KANSL1: variants seen among roughly 807,000 people sequenced by gnomAD.
KANSL1 encodes the protein MLL1/MLL complex subunit KANSL1.
A neutral mutation model predicts 103.6 loss-of-function variants in KANSL1; 22 were observed. The observed-to-expected ratio is 0.21, with a 90% CI of 0.15 to 0.30. KANSL1 has a LOEUF of 0.30. Ranked by LOEUF, KANSL1 falls within the 10% of genes least tolerant of loss-of-function variation. KANSL1 has a pLI of 1.00. For missense variants in KANSL1, 1,337 were observed against 1,399.8 expected (o/e 0.96, Z 0.72); for synonymous variants, 600 against 527.6 (o/e 1.14, Z -1.88).
At chr17:46,099,502 TAC>T (rs1299639120) in intron 2 of KANSL1, among the ~76,000 whole-genome samples, 2 of 152,214 alleles carry the variant, frequency 1.3e-5, no homozygotes, top group Non-Finnish European at 2.9e-5. Context: ...TGTTATACCA[TAC>T]AGACTTCAGG....
chr17:46,126,350 G>A (rs933692036), intron 2 of KANSL1, among the ~76,000 whole-genome samples: 1 of 152,112 alleles, frequency 6.6e-6, no homozygotes, highest in Non-Finnish European at 1.5e-5. Context: ...GCTGAGACAG[G>A]AGAATCACTC....
intron 1 of KANSL1, among the ~76,000 whole-genome samples, chr17:46,191,578 T>C (rs1240996536): frequency 1.3e-5 from 2 of 152,236 alleles, no homozygotes; most frequent in South Asian, 2.1e-4. Flanking sequence ...TGAAGTTCAG[T>C]AGCAATCTAT....
At chr17:46,089,492 A>C (rs763456030) in intron 3 of KANSL1, among the ~76,000 whole-genome samples, 1 of 151,522 alleles carries the variant, frequency 6.6e-6, no homozygotes, top group Non-Finnish European at 1.5e-5. Context: ...CCATCCCTCC[A>C]ATCTCCCACC....
intron 1 of KANSL1, among the ~76,000 whole-genome samples, chr17:46,180,168 C>T (rs1433412925): frequency 1.3e-5 from 2 of 152,106 alleles, no homozygotes; most frequent in African/African-American, 2.4e-5. Flanking sequence ...AGATCCTTAA[C>T]GGACAGCCTT....
chr17:46,190,355 A>G (rs2074713885), intron 1 of KANSL1, among the ~76,000 whole-genome samples: 1 of 152,282 alleles, frequency 6.6e-6, no homozygotes, highest in South Asian at 2.1e-4. Flanking sequence ...AACCAGAGAA[A>G]TAACATGTGT....
upstream of KANSL1, chr17:46,193,659 C>A: frequency 3.2e-6 from 1 of 313,930 alleles, no homozygotes. Context: ...GGCCGCGGCG[C>A]CCGGCCCCAG....
intron 11 of KANSL1, 57 bp from the exon 12 acceptor site, chr17:46,033,517 G>A: frequency 7.0e-7 from 1 of 1,422,518 alleles, no homozygotes; most frequent in East Asian, 2.3e-5. Flanking sequence ...ACTGGGGGCA[G>A]GGTCAAAGTG....
intron 1 of KANSL1, among the ~76,000 whole-genome samples, chr17:46,191,135 A>C (rs1025375121): frequency 1.3e-5 from 2 of 152,384 alleles, no homozygotes; most frequent in African/African-American, 4.8e-5. Flanking sequence ...ATTTTATAAA[A>C]TAGGAGTTTA....
intron 2 of KANSL1, among the ~76,000 whole-genome samples, chr17:46,146,064 T>C (rs1357132148): frequency 1.3e-5 from 2 of 152,216 alleles, no homozygotes; most frequent in Non-Finnish European, 1.5e-5. Context: ...TACTCATTCT[T>C]TTGTTCTCTA....
Position 46,032,211 on chromosome 17 carries a change from T to C in KANSL1, c.2926A>G (p.Ser976Gly). 6.2e-7 allele frequency: 1 copy of C among 1,600,320 alleles called. No individual in the cohort carries two copies. Among genetic ancestry groups the C allele is most frequent in the Non-Finnish European group, 8.5e-7 (1 of 1,171,152 alleles). ...GAGTATTCTGACAAAGAGTGGCTAC[T>C]GCTGACATCAGGGGAGGCAGGCTGG... is the stretch of plus-strand genomic sequence containing the variant. ...TPQPASPDVS[S>G]SHSLSEYSHG... The change falls in exon 14 of 15, where the codon AGT (serine) becomes GGT (glycine). Residue 976 changes from serine to glycine, a missense_variant. By Grantham distance (56) the Ser-to-Gly change is moderately conservative. Coordinates refer to ENST00000432791, the MANE Select transcript of KANSL1 (RefSeq NM_015443.4).
chr17:46,110,766 G>A (rs567941916), intron 2 of KANSL1, among the ~76,000 whole-genome samples: 10 of 152,264 alleles, frequency 6.6e-5, no homozygotes, highest in African/African-American at 2.4e-4. Flanking sequence ...ACAAGTATTT[G>A]TGCTGAGTTC....
chr17:46,097,247 T>C (rs1406448004), intron 2 of KANSL1, among the ~76,000 whole-genome samples: 1 of 152,188 alleles, frequency 6.6e-6, no homozygotes, highest in Non-Finnish European at 1.5e-5. Context: ...GAACACAATG[T>C]TGAATGAAAC....
chr17:46,156,899 CAAAAAAAA>C (rs200919070), intron 2 of KANSL1: 1 of 110,814 alleles, frequency 9.0e-6, no homozygotes, highest in East Asian at 2.9e-4. Context: ...ACTCTATCTC[CAAAAAAAA>C]AAAAAAAAAT....
chr17:46,099,062 G>A lies in KANSL1; in HGVS notation c.1290-4361C>T, dbSNP rs565667089. On this transcript the variant is annotated intron_variant, in intron 2 of 14. Coordinates refer to ENST00000432791, the MANE Select transcript of KANSL1 (RefSeq NM_015443.4). ...CAAGCGGCCGGGCGCGGTGGCTCAC[G>A]CTTGTAATCCCAGCACTTTGGGAGG... Among the ~76,000 whole-genome samples, 9 of 147,494 alleles carry A rather than the reference G, an allele frequency of 6.1e-5. No homozygotes were observed. In the South Asian group the frequency reaches 1.5e-3, roughly 24 times the overall value.
At chr17:46,148,717 G>A (rs1250116103) in intron 2 of KANSL1, among the ~76,000 whole-genome samples, 6 of 151,690 alleles carry the variant, frequency 4.0e-5, no homozygotes, top group African/African-American at 1.2e-4. Context: ...CTCCTGAACA[G>A]CTGGGTACAA....
In KANSL1 at chr17:46,092,030, G is replaced by A. The variant is rs147491921; in HGVS notation, c.1431+2530C>T. The stretch of plus-strand genomic sequence containing the variant: ...GACAGGGGTTTCACCATGTTGGCCA[G>A]GCTAGTCTCGAACTCCTCACCTCAG... On this transcript the variant is annotated intron_variant, in intron 3 of 14. Transcript: ENST00000432791. 2.7e-3 allele frequency among the ~76,000 whole-genome samples: 406 copies of A among 152,248 alleles called. 2 individuals are homozygous for A. The highest frequency in any genetic ancestry group is 9.3e-3 in the African/African-American group (386 of 41,528).
At chr17:46,185,273 G>A (rs1369749845) in intron 1 of KANSL1, among the ~76,000 whole-genome samples, 3 of 152,186 alleles carry the variant, frequency 2.0e-5, no homozygotes, top group Admixed American at 6.5e-5. Context: ...GATCCATTAG[G>A]ACGTTAATGG....
At chr17:46,212,960 G>A (rs1706411140) in intron 1 of KANSL1, among the ~76,000 whole-genome samples, 1 of 152,196 alleles carries the variant, frequency 6.6e-6, no homozygotes, top group Non-Finnish European at 1.5e-5. Flanking sequence ...TTGGTCATTT[G>A]TATTTCTTCC....
intron 11 of KANSL1, 195 bp from the exon 12 acceptor site, chr17:46,033,655 C>G: frequency 1.6e-6 from 1 of 622,400 alleles, no homozygotes; most frequent in South Asian, 2.0e-5. Context: ...CTCAAATGCC[C>G]AAGAAGGCCA....
Sources: gnomAD v4.1 joint callset for allele counts (sites outside exome capture counted in the v4.1 genomes callset) on GRCh38, gnomAD v4.1.1 for gene constraint, MANE v1.5 for transcripts, NCBI Gene and HGNC (gene_info 2026-07-23, HGNC 2026-07-21) for gene names.